The following SLIT3 variants were observed in gnomAD, a reference collection of about 807,000 sequenced individuals.
SLIT3 encodes the protein slit homolog 3 protein.
A neutral mutation model predicts 184.0 loss-of-function variants in SLIT3; 68 were observed. That is an observed-to-expected ratio of 0.37 (90% CI 0.30 to 0.45). SLIT3 has a LOEUF of 0.45. Among genes scored for constraint, SLIT3 ranks in the 20% least tolerant of loss-of-function variants. The pLI is 1.00. For synonymous variants in SLIT3, 831 were observed against 828.6 expected (o/e 1.00, Z -0.05); for missense variants, 1,707 against 2,026.0 (o/e 0.84, Z 3.02).
At chr5:168,923,241 C>A (rs1761700848) in intron 4 of SLIT3, among the ~76,000 whole-genome samples, 1 of 152,096 alleles carries the variant, frequency 6.6e-6, no homozygotes, top group Non-Finnish European at 1.5e-5. Flanking sequence ...GCAAGCTAAG[C>A]CCCAGAACAT....
chr5:169,262,373 G>C (rs1223281084), intron 1 of SLIT3, among the ~76,000 whole-genome samples: 1 of 152,168 alleles, frequency 6.6e-6, no homozygotes, highest in East Asian at 1.9e-4. Context: ...CTCTCTTAGA[G>C]AGTGAGATTT....
chr5:168,790,922 T>G (rs1314148358), intron 10 of SLIT3: 2 of 152,246 alleles, frequency 1.3e-5, no homozygotes, highest in Admixed American at 1.3e-4. Flanking sequence ...CTCCAAAGCC[T>G]GTACTTTGAA....
At chr5:169,064,322 T>C (rs1758275771) in intron 4 of SLIT3, among the ~76,000 whole-genome samples, 1 of 152,196 alleles carries the variant, frequency 6.6e-6, no homozygotes, top group African/African-American at 2.4e-5. Flanking sequence ...TTTGGGTGGT[T>C]GAAATGGAAA....
intron 4 of SLIT3, among the ~76,000 whole-genome samples, chr5:169,059,656 G>A (rs888195791): frequency 2.0e-5 from 3 of 152,200 alleles, no homozygotes; most frequent in Non-Finnish European, 4.4e-5. Context: ...TTTTAAAGAT[G>A]TGAGATTTCA....
intron 4 of SLIT3, among the ~76,000 whole-genome samples, chr5:168,934,795 T>C (rs962479222): frequency 3.9e-5 from 6 of 151,974 alleles, no homozygotes; most frequent in African/African-American, 1.4e-4. Context: ...TCAGGCATTA[T>C]GTTAAATGCT....
intron 1 of SLIT3, among the ~76,000 whole-genome samples, chr5:169,287,469 G>A (rs1447323229): frequency 6.6e-6 from 1 of 152,190 alleles, no homozygotes; most frequent in Non-Finnish European, 1.5e-5. Flanking sequence ...TCTTTGCACA[G>A]GATGAGGCAG....
chr5:169,136,380 C>G (rs1761502678), intron 4 of SLIT3, among the ~76,000 whole-genome samples: 1 of 152,198 alleles, frequency 6.6e-6, no homozygotes, highest in African/African-American at 2.4e-5. Context: ...ACCCACACAG[C>G]TGAGCCCCAG....
At chr5:168,684,151 C>T (rs1178223146) in intron 31 of SLIT3, 55 bp from the exon 32 acceptor site, 5 of 1,458,082 alleles carry the variant, frequency 3.4e-6, no homozygotes, top group Non-Finnish European at 2.7e-6. Flanking sequence ...CTGAACCTTC[C>T]CTGCCCATCT....
chr5:169,300,609 C>A lies in SLIT3; in HGVS notation c.101G>T (p.Cys34Phe). Residue 34 changes from cysteine to phenylalanine, a missense_variant, in exon 1 of 36, where the codon TGC becomes TTC. Coordinates refer to ENST00000519560, the MANE Select transcript of SLIT3 (RefSeq NM_003062.4). This position sits in a 1 kb window ranked among gnomAD's most constrained non-coding sequence, Gnocchi z 4.1. ...SVLSGPPAVACPTKCTCSAAS... is the reference protein window; with the variant it reads ...SVLSGPPAVAFPTKCTCSAAS... ...AGCGGAGCAGGTACACTTGGTGGGG[C>A]AGGCGACGGCTGGAGGCCCACTCAG... is the stretch of plus-strand genomic sequence containing the variant. 6.6e-7 allele frequency: 1 copy of A among 1,506,180 alleles called. No homozygotes were observed. 93.3% of individuals were successfully genotyped at this position (1,506,180 alleles called of 1,614,324 possible).
intron 3 of SLIT3, among the ~76,000 whole-genome samples, chr5:169,218,998 C>G (rs548009055): frequency 7.2e-5 from 11 of 152,336 alleles, no homozygotes; most frequent in African/African-American, 2.2e-4. Flanking sequence ...GGCCCATCCT[C>G]TTAGACTTAC....
At chr5:168,723,432 CA>C (rs1763009444) in intron 21 of SLIT3, among the ~76,000 whole-genome samples, 1 of 151,222 alleles carries the variant, frequency 6.6e-6, no homozygotes, top group African/African-American at 2.4e-5. Context: ...TTCAATCATT[CA>C]AGCAACTGTC....
chr5:169,182,646 A>G (rs1473525710), intron 4 of SLIT3, among the ~76,000 whole-genome samples: 1 of 152,246 alleles, frequency 6.6e-6, no homozygotes, highest in South Asian at 2.1e-4. Flanking sequence ...AATGTGGTTC[A>G]GGAACAAATA....
chr5:168,842,639 G>T (rs1286065526), intron 6 of SLIT3, among the ~76,000 whole-genome samples: 2 of 152,036 alleles, frequency 1.3e-5, no homozygotes, highest in African/African-American at 4.8e-5. Flanking sequence ...TTTAAAAGTT[G>T]GGGAGATAGA....
chr5:169,066,451 A>G (rs370055868), intron 4 of SLIT3, among the ~76,000 whole-genome samples: 2 of 152,228 alleles, frequency 1.3e-5, no homozygotes, highest in Admixed American at 1.3e-4. Context: ...CGCTCAACTT[A>G]CAAGACCAAA....
At chr5:168,688,919 A>G (rs1325671521) in intron 29 of SLIT3, among the ~76,000 whole-genome samples, 1 of 152,220 alleles carries the variant, frequency 6.6e-6, no homozygotes, top group African/African-American at 2.4e-5. Context: ...TTACAAGATA[A>G]AATCCAATAT....
intron 4 of SLIT3, among the ~76,000 whole-genome samples, chr5:169,137,327 C>CAGAGAGAG (rs761731942): frequency 8.0e-5 from 7 of 87,242 alleles, no homozygotes; most frequent in African/African-American, 1.2e-4. Context: ...CACACACACA[C>CAGAGAGAG]ACACACACAG....
intron 20 of SLIT3, among the ~76,000 whole-genome samples, chr5:168,727,989 G>A (rs1763185912): frequency 1.3e-5 from 2 of 152,146 alleles, no homozygotes; most frequent in African/African-American, 4.8e-5. Context: ...CTCTTCTCCA[G>A]GGAGATCCGA....
chr5:169,283,481 T>C (rs1767057280), intron 1 of SLIT3, among the ~76,000 whole-genome samples: 1 of 152,178 alleles, frequency 6.6e-6, no homozygotes, highest in African/African-American at 2.4e-5. Context: ...AAACTTAGCC[T>C]TTGACTAGGA....
At chr5:169,218,846 T>C (rs1344814466) in intron 3 of SLIT3, among the ~76,000 whole-genome samples, 1 of 152,094 alleles carries the variant, frequency 6.6e-6, no homozygotes, top group African/African-American at 2.4e-5. Flanking sequence ...CTTTAGGTAA[T>C]GAGATGTTTA....
Sources: gnomAD v4.1 joint callset for allele counts (sites outside exome capture counted in the v4.1 genomes callset) on GRCh38, gnomAD v4.1.1 for gene constraint, Gnocchi (gnomAD v3.1) non-coding constraint, MANE v1.5 for transcripts, NCBI Gene and HGNC (gene_info 2026-07-23, HGNC 2026-07-21) for gene names.